RANBP2: variants seen among roughly 807,000 people sequenced by gnomAD.
The protein encoded by RANBP2 is RAN binding protein 2.
A neutral mutation model predicts 303.6 loss-of-function variants in RANBP2; 57 were observed. The observed-to-expected ratio is 0.19, with a 90% CI of 0.15 to 0.23. RANBP2 has a LOEUF of 0.23. Among genes scored for constraint, RANBP2 ranks in the 10% least tolerant of loss-of-function variants. RANBP2 has a pLI of 1.00. For synonymous variants in RANBP2, 1,167 were observed against 1,301.5 expected (o/e 0.90, Z 2.23); for missense variants, 3,138 against 3,780.8 (o/e 0.83, Z 4.46).
the RANBP2 span, among the ~76,000 whole-genome samples, chr2:108,867,395 A>G: frequency 6.6e-6 from 1 of 152,254 alleles, no homozygotes; most frequent in Admixed American, 6.5e-5. Context: ...AAATTCTCTC[A>G]GGAATGAGAA....
At chr2:109,273,292 C>CA in the RANBP2 span, among the ~76,000 whole-genome samples, 1 of 152,222 alleles carries the variant, frequency 6.6e-6, no homozygotes, top group Non-Finnish European at 1.5e-5. Context: ...GTGGGGCACT[C>CA]AGGGCCCTGG....
At chr2:109,144,529 C>T in the RANBP2 span, among the ~76,000 whole-genome samples, 40 of 152,326 alleles carry the variant, frequency 2.6e-4, no homozygotes, top group Non-Finnish European at 4.9e-4. Flanking sequence ...AGAGTTTGAA[C>T]GAGGTGAATA....
the RANBP2 span, among the ~76,000 whole-genome samples, chr2:109,412,712 A>G: frequency 6.6e-6 from 1 of 152,244 alleles, no homozygotes; most frequent in Admixed American, 6.5e-5. Flanking sequence ...TTCTCATACC[A>G]CTGTGGAAAT....
At chr2:109,275,909 A>G in the RANBP2 span, among the ~76,000 whole-genome samples, 1 of 152,178 alleles carries the variant, frequency 6.6e-6, no homozygotes, top group Non-Finnish European at 1.5e-5. Context: ...AAAATTCATT[A>G]TAATCTGACA....
At chr2:109,313,567 T>G in the RANBP2 span, 1 of 154,896 alleles carries the variant, frequency 6.5e-6, no homozygotes, top group Non-Finnish European at 1.5e-5. Context: ...GAGGCCCAGA[T>G]AGGGACTGTC....
chr2:109,012,382 G>A, the RANBP2 span, among the ~76,000 whole-genome samples: 230 of 152,174 alleles, frequency 1.5e-3, no homozygotes, highest in Non-Finnish European at 2.1e-3. Flanking sequence ...GTCTTCAGGC[G>A]TACCTGGCAT....
the RANBP2 span, among the ~76,000 whole-genome samples, chr2:109,380,802 A>G: frequency 6.6e-6 from 1 of 152,172 alleles, no homozygotes; most frequent in East Asian, 1.9e-4. Flanking sequence ...CCACCTGCAT[A>G]GGCAGACATC....
At chr2:108,936,047 A>G in the RANBP2 span, among the ~76,000 whole-genome samples, 2 of 152,228 alleles carry the variant, frequency 1.3e-5, no homozygotes, top group Admixed American at 6.5e-5. Context: ...CACCACCTTT[A>G]GGAGAAGCAG....
chr2:109,132,340 A>T, the RANBP2 span, among the ~76,000 whole-genome samples: 25 of 152,024 alleles, frequency 1.6e-4, no homozygotes, highest in Middle Eastern at 3.2e-3. Context: ...AGCTTTATTT[A>T]AAAAAAAGTT....
At chr2:108,885,412 TTTGTC>T in the RANBP2 span, 10 of 152,244 alleles carry the variant, frequency 6.6e-5, no homozygotes, top group African/African-American at 2.4e-4. Flanking sequence ...TGATACTGTG[TTTGTC>T]TTATGAATAT....
the RANBP2 span, among the ~76,000 whole-genome samples, chr2:109,751,555 T>C: frequency 7.4e-6 from 1 of 135,714 alleles, no homozygotes; most frequent in South Asian, 2.5e-4. Context: ...GGGGCTGTCT[T>C]AGAATTGTGT....
At chr2:108,807,264 A>G in the RANBP2 span, among the ~76,000 whole-genome samples, 1 of 152,244 alleles carries the variant, frequency 6.6e-6, no homozygotes, top group Non-Finnish European at 1.5e-5. Flanking sequence ...GAGAATTCCT[A>G]GCATAGGTCC....
At chr2:109,528,823 T>TC in the RANBP2 span, among the ~76,000 whole-genome samples, 2 of 152,090 alleles carry the variant, frequency 1.3e-5, no homozygotes, top group African/African-American at 4.8e-5. Context: ...TCCTGGATTA[T>TC]TGGGGGTGGG....
At chr2:109,465,459 G>A in the RANBP2 span, among the ~76,000 whole-genome samples, 10 of 152,316 alleles carry the variant, frequency 6.6e-5, no homozygotes, top group African/African-American at 2.2e-4. Context: ...ATGAATGAGA[G>A]TTCTCATTGC....
the RANBP2 span, among the ~76,000 whole-genome samples, chr2:108,979,440 C>CTT: frequency 0.14 from 10,793 of 79,562 alleles, 1,033 homozygotes; most frequent in African/African-American, 0.28. Context: ...CTCTCTTTCT[C>CTT]TCTCTCTGTC....
the RANBP2 span, chr2:108,873,453 T>C: frequency 6.3e-7 from 1 of 1,587,450 alleles, no homozygotes; most frequent in South Asian, 1.2e-5. Flanking sequence ...TTTTGCAGAA[T>C]CCTTGCAGCC....
chr2:109,719,846 TTC>T, the RANBP2 span, among the ~76,000 whole-genome samples: 1 of 152,220 alleles, frequency 6.6e-6, no homozygotes, highest in African/African-American at 2.4e-5. Context: ...CATCATGAAT[TTC>T]CAGGCTTGGC....
the RANBP2 span, among the ~76,000 whole-genome samples, chr2:109,067,758 A>C: frequency 4.6e-5 from 7 of 152,196 alleles, no homozygotes; most frequent in Non-Finnish European, 8.8e-5. Context: ...TCCTGGAGTC[A>C]TCTTGGATTC....
chr2:109,254,424 G>A, the RANBP2 span, among the ~76,000 whole-genome samples: 3 of 152,124 alleles, frequency 2.0e-5, no homozygotes, highest in Non-Finnish European at 4.4e-5. Context: ...TGTTGGGGAG[G>A]TTAAATGGAT....
Sources: allele counts gnomAD v4.1 joint callset (sites outside exome capture counted in the v4.1 genomes callset), GRCh38; gene constraint gnomAD v4.1.1; transcripts MANE v1.5; gene names NCBI Gene and HGNC (gene_info 2026-07-23, HGNC 2026-07-21).